GALNTL5: variants seen among roughly 807,000 people sequenced by gnomAD.
GALNTL5 encodes inactive polypeptide N-acetylgalactosaminyltransferase-like protein 5.
Under a neutral mutation model 51.0 loss-of-function variants are expected in GALNTL5, and 44 were observed. The ratio of observed to expected loss-of-function variants is 0.86; its 90% CI spans 0.68 to 1.11. GALNTL5 has a LOEUF of 1.11. Among genes scored for constraint, GALNTL5 ranks in the 50% least tolerant of loss-of-function variants. GALNTL5 has a pLI of 0.00. For missense variants in GALNTL5, 528 were observed against 531.8 expected (o/e 0.99, Z 0.07); for synonymous variants, 192 against 182.8 (o/e 1.05, Z -0.41).
At chr7:151,983,178 T>A in intron 4 of GALNTL5, 26 bp downstream of exon 4, 2 of 1,578,590 alleles carry the variant, frequency 1.3e-6, no homozygotes, top group Non-Finnish European at 1.7e-6. Flanking sequence ...CATTATCTCA[T>A]CTACTTTGTT....
chr7:151,977,566 T>C (rs1398429306), intron 3 of GALNTL5, among the ~76,000 whole-genome samples: 1 of 152,198 alleles, frequency 6.6e-6, no homozygotes, highest in Non-Finnish European at 1.5e-5. Flanking sequence ...TTTTTTGTAT[T>C]ATCTTCATCA....
chr7:151,982,954 G>T (rs1157350180), intron 3 of GALNTL5, 32 bp from the exon 4 acceptor site: 3 of 1,613,752 alleles, frequency 1.9e-6, no homozygotes, highest in Non-Finnish European at 2.5e-6. Context: ...CATTTAGATG[G>T]ATGGTTTTCT....
chr7:151,976,596 A>G (rs1263081687), intron 3 of GALNTL5, among the ~76,000 whole-genome samples: 2 of 152,078 alleles, frequency 1.3e-5, no homozygotes, highest in South Asian at 2.1e-4. Flanking sequence ...AGATTTATGT[A>G]TGTATTTTCA....
intron 3 of GALNTL5, among the ~76,000 whole-genome samples, chr7:151,981,741 C>T (rs1193208606): frequency 6.8e-6 from 1 of 147,950 alleles, no homozygotes; most frequent in Non-Finnish European, 1.5e-5. Flanking sequence ...TTCTCTCTCC[C>T]AGGTTCAAAA....
At chr7:151,985,248 C>T (rs1027802148) in intron 4 of GALNTL5, among the ~76,000 whole-genome samples, 3 of 152,172 alleles carry the variant, frequency 2.0e-5, no homozygotes, top group African/African-American at 7.2e-5. Flanking sequence ...GATCTGTCAA[C>T]GTTCTCATAC....
chr7:152,003,460 CT>C (rs2081607341), intron 6 of GALNTL5, among the ~76,000 whole-genome samples: 1 of 152,232 alleles, frequency 6.6e-6, no homozygotes, highest in Non-Finnish European at 1.5e-5. Context: ...CCTCTCTCAA[CT>C]TCAATGTCGT....
intron 6 of GALNTL5, among the ~76,000 whole-genome samples, chr7:152,005,142 A>G (rs1307055152): frequency 6.6e-5 from 10 of 152,304 alleles, no homozygotes; most frequent in South Asian, 2.1e-4. Context: ...GGTATTAATT[A>G]GCATTCATAT....
chr7:152,014,707 A>G lies in GALNTL5; in HGVS notation c.1090A>G (p.Lys364Glu). The change falls in exon 8 of 9, where the codon AAA becomes GAA. Residue 364 changes from lysine to glutamate, a missense_variant. By Grantham distance (56) the Lys-to-Glu change is moderately conservative. Transcript: ENST00000392800. ...CTCTCGAGTAGGACATATCAGTAAG[A>G]AACAAACTGGAAAACCTTCTACAAT... is the stretch of plus-strand genomic sequence containing the variant. ...PCSRVGHISKKQTGKPSTIIS... is the reference protein window; with the variant it reads ...PCSRVGHISKEQTGKPSTIIS... 1 of 1,614,088 alleles carries G rather than the reference A, an allele frequency of 6.2e-7. No homozygotes were observed. Among genetic ancestry groups the G allele is most frequent in the Non-Finnish European group, 8.5e-7 (1 of 1,179,952 alleles).
At chr7:151,998,123 C>T (rs973253633) in intron 5 of GALNTL5, among the ~76,000 whole-genome samples, 3 of 152,068 alleles carry the variant, frequency 2.0e-5, no homozygotes, top group African/African-American at 4.8e-5. Flanking sequence ...GCAAGAGGAT[C>T]GCTTGAGTCC....
chr7:151,971,119 A>G, intron 3 of GALNTL5, 54 bp downstream of exon 3: 1 of 1,285,576 alleles, frequency 7.8e-7, no homozygotes, highest in South Asian at 1.3e-5. Context: ...AGATAGATAG[A>G]TAGATAGATA....
chr7:151,965,879 C>A (rs78348860), intron 1 of GALNTL5, among the ~76,000 whole-genome samples: 1,876 of 152,002 alleles, frequency 0.012, 42 homozygotes, highest in African/African-American at 0.044. Flanking sequence ...GGGAGTGAGA[C>A]CCAGTCTCAA....
chr7:151,987,844 G>T (rs2081378897), intron 5 of GALNTL5, among the ~76,000 whole-genome samples: 2 of 152,200 alleles, frequency 1.3e-5, no homozygotes, highest in Non-Finnish European at 2.9e-5. Context: ...GGCTCAGTGG[G>T]CTAGGGGGAG....
intron 8 of GALNTL5, 35 bp downstream of exon 8, chr7:152,014,828 C>T (rs760043980): frequency 2.2e-5 from 34 of 1,570,858 alleles, no homozygotes; most frequent in Non-Finnish European, 2.4e-5. Context: ...AAAATGTATG[C>T]GAGGCCGGAG....
intron 7 of GALNTL5, among the ~76,000 whole-genome samples, chr7:152,013,835 A>T (rs971266297): frequency 1.3e-5 from 2 of 152,252 alleles, no homozygotes; most frequent in Admixed American, 6.5e-5. Flanking sequence ...TAGGACAAGA[A>T]GTGAATTGTG....
chr7:152,009,200 C>T (rs774241861), intron 7 of GALNTL5, among the ~76,000 whole-genome samples: 1 of 152,158 alleles, frequency 6.6e-6, no homozygotes, highest in Non-Finnish European at 1.5e-5. Flanking sequence ...CTTGTCTTTC[C>T]TGAGAAAAGA....
chr7:151,991,558 A>C (rs1383846511), intron 5 of GALNTL5, among the ~76,000 whole-genome samples: 1 of 152,114 alleles, frequency 6.6e-6, no homozygotes, highest in East Asian at 1.9e-4. Context: ...TGAATAGTCC[A>C]CCATTTCTTC....
chr7:151,990,442 G>T (rs1047870788), intron 5 of GALNTL5, among the ~76,000 whole-genome samples: 4 of 151,064 alleles, frequency 2.6e-5, no homozygotes, highest in South Asian at 4.2e-4. Context: ...TTAGCCGGGC[G>T]TGGTGGCGGG....
In GALNTL5 at chr7:151,968,361, A is replaced by C. The variant is rs1586808016; in HGVS notation, c.247+868A>C. Among the ~76,000 whole-genome samples the C allele has an allele frequency of 2.0e-5, 3 of 152,314 alleles. No homozygotes were observed. In the South Asian group the frequency reaches 6.2e-4, roughly 32 times the overall value. On this transcript the variant is annotated intron_variant, in intron 2 of 8. Transcript: ENST00000392800. Reference sequence around the variant, plus strand: ...CTAGTTTAACAAAATAAACCCAAAGAAAGATGAAGAAAATAAGAGTAGAAA... The same window carrying C: ...CTAGTTTAACAAAATAAACCCAAAGCAAGATGAAGAAAATAAGAGTAGAAA...
At chr7:152,000,930 G>C in intron 5 of GALNTL5, among the ~76,000 whole-genome samples, 1 of 122,428 alleles carries the variant, frequency 8.2e-6, no homozygotes, top group Admixed American at 9.2e-5. Flanking sequence ...TTTTTTGACA[G>C]AGTCTTGCTC....
Sources: allele counts gnomAD v4.1 joint callset (sites outside exome capture counted in the v4.1 genomes callset), GRCh38; gene constraint gnomAD v4.1.1; transcripts MANE v1.5; gene names NCBI Gene and HGNC (gene_info 2026-07-23, HGNC 2026-07-21).